The following ZNF438 variants were observed in gnomAD, a reference collection of about 807,000 sequenced individuals.
The protein encoded by ZNF438 is zinc finger protein 438.
Under a neutral mutation model 38.0 loss-of-function variants are expected in ZNF438, and 25 were observed. The ratio of observed to expected loss-of-function variants is 0.66; its 90% CI spans 0.48 to 0.92. ZNF438 has a LOEUF of 0.92. Ranked by LOEUF, ZNF438 falls within the 40% of genes least tolerant of loss-of-function variation. The pLI, the probability that ZNF438 is intolerant of heterozygous loss-of-function variation, is 0.00. For synonymous variants in ZNF438, 372 were observed against 364.1 expected (o/e 1.02, Z -0.25); for missense variants, 1,007 against 999.6 (o/e 1.01, Z -0.10).
At chr10:31,014,319 A>C (rs1053828541) in intron 1 of ZNF438, among the ~76,000 whole-genome samples, 3 of 152,230 alleles carry the variant, frequency 2.0e-5, no homozygotes, top group Non-Finnish European at 4.4e-5. Context: ...TGAGAAGTCC[A>C]AGATCAGGGT....
At chr10:31,026,653 C>A (rs2056963144) in intron 1 of ZNF438, among the ~76,000 whole-genome samples, 1 of 152,160 alleles carries the variant, frequency 6.6e-6, no homozygotes, top group South Asian at 2.1e-4. Flanking sequence ...GGACTGTAAA[C>A]TAGTTCAAAC....
exon 5 of ZNF438, chr10:30,849,202 C>G: frequency 6.2e-7 from 1 of 1,614,004 alleles, no homozygotes; most frequent in Non-Finnish European, 8.5e-7. Context: ...TGATATATTT[C>G]CTCCTTTTTC....
chr10:30,845,522 T>C, exon 6 of ZNF438: 6 of 1,613,998 alleles, frequency 3.7e-6, no homozygotes, highest in Non-Finnish European at 5.1e-6. Flanking sequence ...GTAATTTGAC[T>C]TCGTCTGCCT....
At chr10:30,896,217 A>G (rs1257446709) in intron 3 of ZNF438, among the ~76,000 whole-genome samples, 1 of 150,698 alleles carries the variant, frequency 6.6e-6, no homozygotes, top group African/African-American at 2.4e-5. Context: ...AACGGCATGA[A>G]CCTGGGAGGC....
chr10:31,026,977 C>A (rs1482754130), intron 1 of ZNF438, among the ~76,000 whole-genome samples: 1 of 151,668 alleles, frequency 6.6e-6, no homozygotes, highest in Non-Finnish European at 1.5e-5. Flanking sequence ...TCATTCTGAG[C>A]AAACTTTCAC....
At chr10:30,892,756 T>C (rs1344689630) in intron 3 of ZNF438, among the ~76,000 whole-genome samples, 3 of 152,174 alleles carry the variant, frequency 2.0e-5, no homozygotes, top group Non-Finnish European at 4.4e-5. Context: ...CACATAGAAA[T>C]AAGCTCTGTC....
At chr10:31,029,750 A>T (rs939374000) in intron 1 of ZNF438, among the ~76,000 whole-genome samples, 3 of 152,188 alleles carry the variant, frequency 2.0e-5, no homozygotes, top group African/African-American at 7.2e-5. Flanking sequence ...CAACATCTTT[A>T]CTTCACCACA....
At chr10:30,913,554 A>G (rs2043285495) in intron 2 of ZNF438, among the ~76,000 whole-genome samples, 1 of 152,018 alleles carries the variant, frequency 6.6e-6, no homozygotes, top group African/African-American at 2.4e-5. Flanking sequence ...CTTGGTACTC[A>G]TCATCTTACC....
At chr10:30,942,036 C>T (rs370085738) in intron 1 of ZNF438, among the ~76,000 whole-genome samples, 84 of 152,264 alleles carry the variant, frequency 5.5e-4, no homozygotes, top group African/African-American at 1.8e-3. Flanking sequence ...TTAAGAAATA[C>T]AAACCACAAT....
chr10:31,028,386 C>G (rs2057075570), intron 1 of ZNF438, among the ~76,000 whole-genome samples: 1 of 152,132 alleles, frequency 6.6e-6, no homozygotes, highest in African/African-American at 2.4e-5. Flanking sequence ...AAAGGACAGT[C>G]AAATATCAGA....
intron 1 of ZNF438, among the ~76,000 whole-genome samples, chr10:31,005,198 A>G (rs2132917792): frequency 6.6e-6 from 1 of 152,354 alleles, no homozygotes; most frequent in Middle Eastern, 3.4e-3. Flanking sequence ...TAGAAACAAT[A>G]ATAGCCAAGA....
intron 1 of ZNF438, among the ~76,000 whole-genome samples, chr10:30,980,896 A>G (rs2052053044): frequency 6.6e-6 from 1 of 152,228 alleles, no homozygotes; most frequent in African/African-American, 2.4e-5. Flanking sequence ...GCCAACCATC[A>G]TAATCCTCTT....
At chr10:30,863,957 C>T (rs2035998510) in intron 4 of ZNF438, among the ~76,000 whole-genome samples, 1 of 152,210 alleles carries the variant, frequency 6.6e-6, no homozygotes, top group African/African-American at 2.4e-5. Flanking sequence ...AGTCTATTTA[C>T]TTGTCCCTAA....
At chr10:30,989,707 T>C (rs540001237) in intron 1 of ZNF438, among the ~76,000 whole-genome samples, 9 of 152,334 alleles carry the variant, frequency 5.9e-5, no homozygotes, top group Admixed American at 5.9e-4. Context: ...TCTGAGACTG[T>C]TGTGTGTGCA....
chr10:30,898,126 T>C (rs2041573688), intron 3 of ZNF438, among the ~76,000 whole-genome samples: 2 of 152,174 alleles, frequency 1.3e-5, no homozygotes, highest in African/African-American at 4.8e-5. Flanking sequence ...AACTGGATGA[T>C]TTCAAGAGGT....
At position 31,025,155 on chromosome 10, in the gene ZNF438, A is replaced by T. The variant is rs59479930; in HGVS notation, c.-192+6678T>A. Among the ~76,000 whole-genome samples, 256 of 152,284 alleles carry T rather than the reference A, an allele frequency of 1.7e-3. 2 individuals carry two copies. The highest frequency in any genetic ancestry group is 5.4e-3 in the African/African-American group (226 of 41,530). ...ACTTAAAACTACCACCTCCATTTCT[A>T]AAGCAAAAAAATAAAAAAATAAAAA... On this transcript the variant is annotated intron_variant, in intron 1 of 5. Coordinates refer to ENST00000413025, the Ensembl canonical transcript of ZNF438.
At chr10:31,009,634 C>T (rs2055474865) in intron 1 of ZNF438, among the ~76,000 whole-genome samples, 1 of 152,164 alleles carries the variant, frequency 6.6e-6, no homozygotes, top group Non-Finnish European at 1.5e-5. Context: ...AAACCCTCAA[C>T]CTTAAATTCC....
chr10:31,020,559 G>A (rs1347327884), intron 1 of ZNF438, among the ~76,000 whole-genome samples: 1 of 152,122 alleles, frequency 6.6e-6, no homozygotes, highest in Non-Finnish European at 1.5e-5. Flanking sequence ...TAGCTCTAGG[G>A]GGAATGAGAT....
chr10:30,923,280 T>C (rs1238975782), intron 2 of ZNF438: 1 of 152,226 alleles, frequency 6.6e-6, no homozygotes, highest in Non-Finnish European at 1.5e-5. Flanking sequence ...TATTTGACTT[T>C]GCTCACCTCT....
Sources: gnomAD v4.1 joint callset for allele counts (sites outside exome capture counted in the v4.1 genomes callset) on GRCh38, gnomAD v4.1.1 for gene constraint, MANE v1.5 for transcripts, NCBI Gene and HGNC (gene_info 2026-07-23, HGNC 2026-07-21) for gene names.